The following POLM variants were observed in gnomAD, a reference collection of about 807,000 sequenced individuals.
The protein encoded by POLM is DNA-directed DNA/RNA polymerase mu.
Under a neutral mutation model 56.7 loss-of-function variants are expected in POLM, and 52 were observed. The ratio of observed to expected loss-of-function variants is 0.92; its 90% CI spans 0.73 to 1.15. The LOEUF is 1.15. Ranked by LOEUF, POLM falls within the 50% of genes most tolerant of loss-of-function variation. POLM has a pLI of 0.00. For synonymous variants in POLM, 273 were observed against 274.3 expected, an observed-to-expected ratio of 1.00 and a Z score of 0.05; for missense variants, 660 against 663.6, an observed-to-expected ratio of 0.99 and a Z score of 0.06.
At chr7:44,081,542 A>AC (rs1436085221) in intron 1 of POLM, among the ~76,000 whole-genome samples, 1 of 151,770 alleles carries the variant, frequency 6.6e-6, no homozygotes, top group African/African-American at 2.4e-5. Flanking sequence ...ACTAGGGGGC[A>AC]CCCCCAGCTC....
Position 44,073,724 on chromosome 7 carries a change from T to C in POLM, c.1315-16A>G. On this transcript the variant is annotated splice_polypyrimidine_tract_variant and intron_variant, in intron 9 of 10. Coordinates refer to ENST00000242248, the MANE Select transcript of POLM (RefSeq NM_013284.4). The stretch of plus-strand genomic sequence containing the variant: ...GCTGGAAAAGCTGTAGGGAAGGGAT[T>C]GTCCTCAGCAGGGCTGGCCCAGCCC... 1.2e-6 allele frequency: 2 copies of C among 1,614,140 alleles called. No homozygotes were observed. Among genetic ancestry groups the C allele is most frequent in the African/African-American group, 1.3e-5 (1 of 75,062 alleles).
At chr7:44,080,465 G>GA (rs1315589632) in intron 2 of POLM, 3 of 646,078 alleles carry the variant, frequency 4.6e-6, no homozygotes, top group Admixed American at 4.1e-5. Context: ...TGGTGAGGAA[G>GA]AAAGGCCTGA....
rs767402841 is a variant in POLM at position 44,073,947 on chromosome 7, C to T, written c.1150G>A (p.Ala384Thr). 35 of 1,614,228 alleles carry T rather than the reference C, an allele frequency of 2.2e-5. No individual in the cohort carries two copies. The highest frequency in any genetic ancestry group is 1.7e-4 in the Admixed American group (10 of 60,022). Residue 384 changes from alanine to threonine, a missense_variant, in exon 9 of 11, where the codon GCT (alanine) becomes ACT (threonine). Physicochemically the swap from Ala to Thr is moderately conservative, Grantham distance 58 (BLOSUM62 0). Transcript: ENST00000242248. ...TRLAQQSHMD[A>T]FERSFCIFRL... ...AAAATGCAGAAACTTCTCTCAAAAG[C>T]GTCCATGTGGCTCTGTTGGGCCAGG... is the stretch of plus-strand genomic sequence containing the variant.
At chr7:44,079,422 C>T (rs1586023560) in intron 4 of POLM, 149 bp downstream of exon 4, 7 of 702,072 alleles carry the variant, frequency 1.0e-5, no homozygotes, top group East Asian at 5.4e-5. Flanking sequence ...GGAATCTGAG[C>T]GCAGAGGGTG....
intron 5 of POLM, among the ~76,000 whole-genome samples, chr7:44,077,678 T>A (rs1021905287): frequency 4.6e-5 from 7 of 152,136 alleles, no homozygotes; most frequent in Non-Finnish European, 8.8e-5. Flanking sequence ...GCCCCACTCA[T>A]CTGGTCCCCT....
chr7:44,079,785 A>C, intron 3 of POLM, 44 bp from the exon 4 acceptor site: 1 of 1,610,272 alleles, frequency 6.2e-7, no homozygotes, highest in Non-Finnish European at 8.5e-7. Flanking sequence ...GGGCAGCTCC[A>C]ATCCCCCACC....
chr7:44,073,265 A>C lies in POLM; in HGVS notation c.*26T>G, dbSNP rs778083756. The C allele has an allele frequency of 1.1e-5, 18 of 1,613,950 alleles. No homozygotes were observed. The highest frequency in any genetic ancestry group is 1.4e-5 in the Non-Finnish European group (17 of 1,179,978). On this transcript the variant is annotated 3_prime_UTR_variant, in exon 11 of 11. Coordinates refer to ENST00000242248, the MANE Select transcript of POLM (RefSeq NM_013284.4). Reference sequence around the variant, plus strand: ...AGGTTGGGGGCAGCCCAATTTCCTGAGTGGAAGTGGGGGACACAGGCAGGC... The same window carrying C: ...AGGTTGGGGGCAGCCCAATTTCCTGCGTGGAAGTGGGGGACACAGGCAGGC...
In POLM at chr7:44,078,748, T is replaced by C. The variant is rs755705591; in HGVS notation, c.706A>G (p.Thr236Ala). 2 of 1,613,872 alleles carry C rather than the reference T, an allele frequency of 1.2e-6. No homozygotes were observed. Among genetic ancestry groups the C allele is most frequent in the Non-Finnish European group, 8.5e-7 (1 of 1,179,842 alleles). Residue 236 changes from threonine (T) to alanine (A), a missense_variant, in exon 5 of 11, where the codon ACC becomes GCC. Coordinates refer to ENST00000242248, the MANE Select transcript of POLM (RefSeq NM_013284.4). ...ERVRRSERYQTMKLFTQIFGV... is the reference protein window; with the variant it reads ...ERVRRSERYQAMKLFTQIFGV... ...AGCCCTGCCCTGCGCACCTTCATGG[T>C]CTGGTACCTCTCTGAGCGCCGAACT...
chr7:44,075,581 A>G (rs1178610585), intron 6 of POLM: 1 of 152,396 alleles, frequency 6.6e-6, no homozygotes, highest in Non-Finnish European at 1.5e-5. Flanking sequence ...GCTTCAGCAG[A>G]GCCCTCAACC....
At position 44,079,727 on chromosome 7, in the gene POLM, T is replaced by C; in HGVS notation, c.486A>G (p.Ile162Met). 1 of 1,610,388 alleles carries C rather than the reference T, an allele frequency of 6.2e-7. No individual in the cohort carries two copies. The highest frequency in any genetic ancestry group is 8.5e-7 in the Non-Finnish European group (1 of 1,177,972). Reference sequence around the variant, plus strand: ...CTTCAAAGCCTGCTGCCTCGGCCAGTATCTCCAGAGCCTCCTGCAGGGAGG... The same window carrying C: ...CTTCAAAGCCTGCTGCCTCGGCCAGCATCTCCAGAGCCTCCTGCAGGGAGG... ...HNTGLSEALEILAEAAGFEGS... is the reference protein window; with the variant it reads ...HNTGLSEALEMLAEAAGFEGS... The change falls in exon 4 of 11, where the codon ATA becomes ATG. Residue 162 changes from isoleucine to methionine, a missense_variant. Coordinates refer to ENST00000242248, the MANE Select transcript of POLM (RefSeq NM_013284.4).
Position 44,073,158 on chromosome 7 carries a change from T to A in POLM, c.*133A>T. 6.5e-7 allele frequency: 1 copy of A among 1,543,768 alleles called. No individual in the cohort carries two copies. Among genetic ancestry groups the A allele is most frequent in the Non-Finnish European group, 8.7e-7 (1 of 1,144,552 alleles). On this transcript the variant is annotated 3_prime_UTR_variant, in exon 11 of 11. Coordinates refer to ENST00000242248, the MANE Select transcript of POLM (RefSeq NM_013284.4). ...ACTGATCCTGCAGGCACAATTGACC[T>A]CCGGAAGAGCCAGGCCTTGGCGGGG...
At chr7:44,079,264 AG>A in intron 4 of POLM, among the ~76,000 whole-genome samples, 1 of 152,216 alleles carries the variant, frequency 6.6e-6, no homozygotes, top group Non-Finnish European at 1.5e-5. Flanking sequence ...GCTCACACTC[AG>A]GGTGCTCTCT....
rs1414488017 is a variant in POLM at position 44,082,419 on chromosome 7, C to A, written c.20G>T (p.Arg7Leu). Residue 7 changes from arginine (R) to leucine (L), a missense_variant, in exon 1 of 11, where the codon CGA becomes CTA. Coordinates refer to ENST00000242248, the MANE Select transcript of POLM (RefSeq NM_013284.4). ...GCCGCTAGGGGACCCGACCCGCGCT[C>A]GCCGCCGTTTGGGGAGCATTGGGAC... The part of the protein sequence containing the change: MLPKRR[R>L]ARVGSPSGDA... 1 of 1,461,258 alleles carries A rather than the reference C, an allele frequency of 6.8e-7. No individual in the cohort carries two copies. Among genetic ancestry groups the A allele is most frequent in the South Asian group, 1.3e-5 (1 of 74,506 alleles). The allele number at this position is 1,461,258 out of a possible 1,614,324, so 90.5% of individuals were successfully genotyped here. A position where few individuals can be genotyped will look rare whatever the true frequency, so the allele number is the denominator to read the frequency against.
chr7:44,074,693 A>G (rs2096179074), intron 6 of POLM, among the ~76,000 whole-genome samples, 163 bp from the exon 7 acceptor site: 1 of 152,250 alleles, frequency 6.6e-6, no homozygotes, highest in Admixed American at 6.5e-5. Context: ...TGAGATCCCA[A>G]TCTAAGCCTG....
Position 44,072,417 on chromosome 7 carries a change from G to C in POLM, c.*874C>G, listed in dbSNP as rs370130279. Reference sequence around the variant, plus strand: ...GAGTGTGCCTGGGGATATGAGGGACGTGGAGGGCACCCATGTCCAGCCCAC... The same window carrying C: ...GAGTGTGCCTGGGGATATGAGGGACCTGGAGGGCACCCATGTCCAGCCCAC... On this transcript the variant is annotated 3_prime_UTR_variant, in exon 11 of 11. Transcript: ENST00000242248. 1 of 152,226 alleles carries C rather than the reference G, an allele frequency of 6.6e-6. No homozygotes were observed. The highest frequency in any genetic ancestry group is 1.5e-5 in the Non-Finnish European group (1 of 68,072). 9.4% of individuals were successfully genotyped at this position (152,226 alleles called of 1,614,324 possible).
intron 1 of POLM, 76 bp downstream of exon 1, chr7:44,082,175 C>G (rs2096201942): frequency 1.6e-6 from 2 of 1,255,924 alleles, no homozygotes; most frequent in Admixed American, 3.6e-5. Context: ...CACAAGACCA[C>G]GAAGTGCCAC....
In POLM at chr7:44,073,983, A is replaced by C. The variant is rs764205545; in HGVS notation, c.1114T>G (p.Ser372Ala). ...CTCTGTTGGGCCAGGCGGGTAGGGG[A>C]CTCACAGCAGCTGTGCTGGTGCTGG... ...YHQHQHSCCE[S>A]PTRLAQQSHM... Residue 372 changes from serine (S) to alanine (A), a missense_variant, in exon 9 of 11, where the codon TCC (serine) becomes GCC (alanine). Transcript: ENST00000242248. 3 of 1,613,944 alleles carry C rather than the reference A, an allele frequency of 1.9e-6. No homozygotes were observed. In the Admixed American group the frequency reaches 5.0e-5, roughly 27 times the overall value.
rs1305878755 is a variant in POLM, at chr7:44,076,636, G to A, written c.715-7C>T. 6.2e-7 allele frequency: 1 copy of A among 1,613,676 alleles called. No homozygotes were observed. The highest frequency in any genetic ancestry group is 8.5e-7 in the Non-Finnish European group (1 of 1,179,884). ...CGAAGATCTGGGTGAAGAGCTGTGG[G>A]GAAGGAGCGTAGCCCGGTTGGGCAG... On this transcript the variant is annotated splice_region_variant and splice_polypyrimidine_tract_variant and intron_variant, in intron 5 of 10. Coordinates refer to ENST00000242248, the MANE Select transcript of POLM (RefSeq NM_013284.4).
rs1380234887 is a variant in POLM at position 44,080,989 on chromosome 7, C to T, written c.189-73G>A. 9 of 1,291,850 alleles carry T rather than the reference C, an allele frequency of 7.0e-6. No homozygotes were observed. The South Asian group carries it at 7.1e-5, about 10-fold the overall frequency. The allele number at this position is 1,291,850 out of a possible 1,614,324, so 80.0% of individuals were successfully genotyped here. On this transcript the variant is annotated intron_variant, in intron 1 of 10. Coordinates refer to ENST00000242248, the MANE Select transcript of POLM (RefSeq NM_013284.4). ...CGTCCTGGTTGGCTCCAAGCCTTCA[C>T]TCTTGCCGTCCCTTCTGCATGGTAA... is the stretch of plus-strand genomic sequence containing the variant.
Sources: gnomAD v4.1 joint callset for allele counts (sites outside exome capture counted in the v4.1 genomes callset) on GRCh38, gnomAD v4.1.1 for gene constraint, MANE v1.5 for transcripts, NCBI Gene and HGNC (gene_info 2026-07-23, HGNC 2026-07-21) for gene names.